LAMC2: variants seen among roughly 807,000 people sequenced by gnomAD.
LAMC2 encodes laminin subunit gamma-2.
Under a neutral mutation model 140.2 loss-of-function variants are expected in LAMC2, and 97 were observed. That is an observed-to-expected ratio of 0.69 (90% CI 0.59 to 0.82). The LOEUF (loss-of-function observed/expected upper bound fraction) is 0.82, where lower values mean the gene tolerates loss of function less well. Ranked by LOEUF, LAMC2 falls within the 40% of genes least tolerant of loss-of-function variation. LAMC2 has a pLI of 0.00. For missense variants in LAMC2, 1,402 were observed against 1,476.1 expected, an observed-to-expected ratio of 0.95 and a Z score of 0.82; for synonymous variants, 513 against 540.2, an observed-to-expected ratio of 0.95 and a Z score of 0.70.
chr1:183,189,340 A>G (rs921855028), intron 1 of LAMC2, among the ~76,000 whole-genome samples: 1 of 152,180 alleles, frequency 6.6e-6, no homozygotes, highest in Admixed American at 6.5e-5. Flanking sequence ...CTATAATCCC[A>G]GCACTTTGGG....
rs936529439 is a variant in LAMC2 at position 183,243,299 on chromosome 1, A to G, written c.3481A>G (p.Thr1161Ala). Residue 1161 changes from threonine to alanine, a missense_variant, in exon 23 of 23, where the codon ACA becomes GCA. Coordinates refer to ENST00000264144, the MANE Select transcript of LAMC2 (RefSeq NM_005562.3). ...QQRGHLHLLE[T>A]SIDGILADVK... ...GAGGGGCCACCTCCATTTGCTGGAG[A>G]CAAGCATAGATGGGATTCTGGCTGA... 4 of 1,614,046 alleles carry G rather than the reference A, an allele frequency of 2.5e-6. No individual in the cohort carries two copies. The highest frequency in any genetic ancestry group is 2.7e-5 in the African/African-American group (2 of 74,920).
chr1:183,194,708 G>A (rs112040007), intron 1 of LAMC2, among the ~76,000 whole-genome samples: 1 of 152,028 alleles, frequency 6.6e-6, no homozygotes, highest in Non-Finnish European at 1.5e-5. Context: ...GGCATCCCTG[G>A]AATCTCTGAT....
Position 183,227,368 on chromosome 1 carries a change from G to A in LAMC2, c.1286-147G>A, listed in dbSNP as rs1659657691. 24 of 812,022 alleles carry A rather than the reference G, an allele frequency of 3.0e-5. 1 individual carries two copies. In the South Asian group the frequency reaches 3.1e-4, roughly 10 times the overall value. 50.3% of individuals were successfully genotyped at this position (812,022 alleles called of 1,614,324 possible). On this transcript the variant is annotated intron_variant, in intron 9 of 22. Coordinates refer to ENST00000264144, the MANE Select transcript of LAMC2 (RefSeq NM_005562.3). ...TGGCCATGTTTAGATTTGGTTCTAT[G>A]GGAGGGGTGAATGCCAGTGCTCAGG...
At chr1:183,223,438 T>G in intron 7 of LAMC2, 114 bp downstream of exon 7, 1 of 979,334 alleles carries the variant, frequency 1.0e-6, no homozygotes, top group Admixed American at 2.0e-5. Flanking sequence ...TCTGAGCACC[T>G]TTTACGTACC....
In LAMC2 at chr1:183,224,660, C is replaced by T. The variant is rs74573167; in HGVS notation, c.954-948C>T. Among the ~76,000 whole-genome samples the T allele has an allele frequency of 2.9e-3, 393 of 135,534 alleles. 5 individuals carry two copies. Among genetic ancestry groups the T allele is most frequent in the African/African-American group, 0.011 (382 of 34,140 alleles). 88.9% of individuals were successfully genotyped at this position (135,534 alleles called of 152,430 possible). ...AGAATTGATCAAATATCCGAGTATA[C>T]GTGTTCTAATGATACACACACACAC... On this transcript the variant is annotated intron_variant, in intron 7 of 22. Coordinates refer to ENST00000264144, the MANE Select transcript of LAMC2 (RefSeq NM_005562.3).
At chr1:183,197,712 G>A (rs923426267) in intron 1 of LAMC2, among the ~76,000 whole-genome samples, 4 of 151,836 alleles carry the variant, frequency 2.6e-5, no homozygotes, top group Non-Finnish European at 4.4e-5. Context: ...AAGTAAATAA[G>A]TAAATAAATA....
At chr1:183,220,029 A>C (rs929578029) in intron 4 of LAMC2, among the ~76,000 whole-genome samples, 2 of 152,264 alleles carry the variant, frequency 1.3e-5, no homozygotes, top group Admixed American at 1.3e-4. Context: ...CTGGCACAAC[A>C]TAAGTGCTAA....
intron 1 of LAMC2, among the ~76,000 whole-genome samples, chr1:183,194,592 G>A (rs1658454082): frequency 6.6e-6 from 1 of 151,940 alleles, no homozygotes; most frequent in African/African-American, 2.4e-5. Flanking sequence ...ATCTCCAAAA[G>A]GCATTTTAGT....
At chr1:183,237,660 C>T (rs920399346) in intron 18 of LAMC2, among the ~76,000 whole-genome samples, 156 bp downstream of exon 18, 2 of 152,148 alleles carry the variant, frequency 1.3e-5, no homozygotes, top group African/African-American at 4.8e-5. Context: ...AGGAGGATCG[C>T]TTGAACTCAG....
In LAMC2 at chr1:183,227,541, C is replaced by T; in HGVS notation, c.1312C>T (p.Pro438Ser). The T allele has an allele frequency of 3.1e-6, 5 of 1,614,180 alleles. No homozygotes were observed. Among genetic ancestry groups the T allele is most frequent in the Non-Finnish European group, 4.2e-6 (5 of 1,180,024 alleles). ...TGDCYSGDEN[P>S]DIECADCPIG... Reference sequence around the variant, plus strand: ...AGATTGTTATTCAGGGGATGAGAATCCTGACATTGAGTGTGCTGACTGCCC... The same window carrying T: ...AGATTGTTATTCAGGGGATGAGAATTCTGACATTGAGTGTGCTGACTGCCC... Residue 438 changes from proline to serine, a missense_variant, in exon 10 of 23, where the codon CCT becomes TCT. Transcript: ENST00000264144.
At position 183,240,115 on chromosome 1, in the gene LAMC2, C is replaced by T; in HGVS notation, c.3145C>T (p.Leu1049=). The T allele has an allele frequency of 6.2e-7, 1 of 1,614,098 alleles. No homozygotes were observed. The highest frequency in any genetic ancestry group is 1.1e-5 in the South Asian group (1 of 91,072). The part of the protein sequence containing the change: ...ALAMEKGLAS[L]KSEMREVEGE... ...GGCCATGGAAAAGGGACTGGCCTCT[C>T]TGAAGAGTGAGATGAGGGAAGTGGA... is the stretch of plus-strand genomic sequence containing the variant. Residue 1049 remains leucine (L), a synonymous_variant, in exon 21 of 23, where the codon CTG becomes TTG. Transcript: ENST00000264144.
intron 8 of LAMC2, 115 bp from the exon 9 acceptor site, chr1:183,226,583 T>G (rs1251161383): frequency 1.1e-6 from 1 of 906,142 alleles, no homozygotes; most frequent in African/African-American, 1.6e-5. Context: ...GCATGATATA[T>G]GAACACCACC....
In LAMC2 at chr1:183,243,372, A is replaced by G. The variant is rs780752035; in HGVS notation, c.3554A>G (p.Tyr1185Cys). 21 of 1,614,110 alleles carry G rather than the reference A, an allele frequency of 1.3e-5. No homozygotes were observed. The highest frequency in any genetic ancestry group is 1.7e-5 in the Non-Finnish European group (20 of 1,180,044). ...NIRDNLPPGC[Y>C]NTQALEQQ ...AGGGACAACCTGCCCCCAGGCTGCT[A>G]CAATACCCAGGCTCTTGAGCAACAG... The change falls in exon 23 of 23, where the codon TAC (tyrosine) becomes TGC (cysteine). Residue 1185 changes from tyrosine (Y) to cysteine (C), a missense_variant. Physicochemically the swap from Tyr to Cys is radical, Grantham distance 194. This residue lies in a region of LAMC2 where 670 missense variants were observed against 667.2 expected (regional missense o/e 1.00). Coordinates refer to ENST00000264144, the MANE Select transcript of LAMC2 (RefSeq NM_005562.3).
At chr1:183,208,422 C>T (rs899567530) in intron 2 of LAMC2, among the ~76,000 whole-genome samples, 11 of 152,148 alleles carry the variant, frequency 7.2e-5, no homozygotes, top group African/African-American at 2.4e-4. Flanking sequence ...ACAAAGGAAG[C>T]TTGCACTCTT....
chr1:183,193,958 A>G (rs1318991366), intron 1 of LAMC2, among the ~76,000 whole-genome samples: 1 of 151,584 alleles, frequency 6.6e-6, no homozygotes, highest in Non-Finnish European at 1.5e-5. Flanking sequence ...TGTTTTTGAG[A>G]TGGAGTCTCC....
intron 1 of LAMC2, among the ~76,000 whole-genome samples, chr1:183,202,086 C>G (rs754953563): frequency 6.6e-6 from 1 of 151,622 alleles, no homozygotes; most frequent in African/African-American, 2.4e-5. Context: ...CCTGGATGCT[C>G]GGGAGGCTGA....
chr1:183,245,150 G>A (rs1660215287), downstream of LAMC2, among the ~76,000 whole-genome samples: 2 of 152,188 alleles, frequency 1.3e-5, no homozygotes, highest in Admixed American at 6.5e-5. Context: ...TAGCTGGGTG[G>A]GGGGGATATA....
intron 1 of LAMC2, among the ~76,000 whole-genome samples, chr1:183,187,254 C>T (rs951682252): frequency 6.6e-6 from 1 of 152,222 alleles, no homozygotes; most frequent in African/African-American, 2.4e-5. Flanking sequence ...GACCAAGAGC[C>T]ATTTCCACAC....
At chr1:183,192,294 C>T (rs1312020753) in intron 1 of LAMC2, among the ~76,000 whole-genome samples, 1 of 152,116 alleles carries the variant, frequency 6.6e-6, no homozygotes, top group Non-Finnish European at 1.5e-5. Context: ...GGATATGTAT[C>T]TCCGCATTAG....
Sources: allele counts gnomAD v4.1 joint callset (sites outside exome capture counted in the v4.1 genomes callset), GRCh38; gene constraint gnomAD v4.1.1; regional missense constraint gnomAD v4.1.1; transcripts MANE v1.5; gene names NCBI Gene and HGNC (gene_info 2026-07-23, HGNC 2026-07-21).